The following CCDC83 variants were observed in gnomAD, a reference collection of about 807,000 sequenced individuals.
CCDC83 encodes coiled-coil domain-containing protein 83.
CCDC83 carries 54 observed loss-of-function variants against 50.1 expected under a neutral mutation model. The observed-to-expected ratio is 1.08, with a 90% CI of 0.87 to 1.35. The LOEUF (loss-of-function observed/expected upper bound fraction) is 1.35. Among genes scored for constraint, CCDC83 ranks in the 40% most tolerant of loss-of-function variants. CCDC83 has a pLI of 0.00. For missense variants in CCDC83, 518 were observed against 473.9 expected (o/e 1.09, Z -0.86); for synonymous variants, 161 against 153.3 (o/e 1.05, Z -0.37).
intron 6 of CCDC83, among the ~76,000 whole-genome samples, chr11:85,896,413 A>C (rs1049665622): frequency 2.1e-4 from 32 of 151,070 alleles, no homozygotes; most frequent in Non-Finnish European, 4.3e-4. Flanking sequence ...AAAAAAAAAA[A>C]AAAAAAAAAA....
chr11:85,883,266 A>G (rs1004284156), intron 4 of CCDC83, among the ~76,000 whole-genome samples: 2 of 151,240 alleles, frequency 1.3e-5, no homozygotes, highest in African/African-American at 2.4e-5. Flanking sequence ...ACCATTACTC[A>G]TAGTAGGGTT....
At chr11:85,909,989 C>G (rs549546963) in intron 7 of CCDC83, among the ~76,000 whole-genome samples, 1 of 152,230 alleles carries the variant, frequency 6.6e-6, no homozygotes, top group South Asian at 2.1e-4. Flanking sequence ...TTGTCCAGTT[C>G]CTCTCCTGCT....
intron 4 of CCDC83, 121 bp from the exon 5 acceptor site, chr11:85,886,079 T>C (rs780000054): frequency 1.5e-6 from 1 of 670,528 alleles, no homozygotes; most frequent in Non-Finnish European, 2.2e-6. Flanking sequence ...ATTTTAGATA[T>C]AAAATAGTAT....
chr11:85,870,398 AT>A (rs2093230284), intron 2 of CCDC83, among the ~76,000 whole-genome samples: 1 of 152,244 alleles, frequency 6.6e-6, no homozygotes, highest in Non-Finnish European at 1.5e-5. Flanking sequence ...TAATAGATTT[AT>A]AACTGCAGAA....
Position 85,875,841 on chromosome 11 carries a change from T to C in CCDC83, c.180+2546T>C, listed in dbSNP as rs193192806. ...TAGTTCTGTTTGGATTATCACCCCATTTATTATCTTTCTCTCAGTTTGCAT... is the reference window on the plus strand; with the variant it reads ...TAGTTCTGTTTGGATTATCACCCCACTTATTATCTTTCTCTCAGTTTGCAT... On this transcript the variant is annotated intron_variant, in intron 3 of 10. Coordinates refer to ENST00000342404, the MANE Select transcript of CCDC83 (RefSeq NM_001286159.2). Among the ~76,000 whole-genome samples, 790 of 152,302 alleles carry C rather than the reference T, an allele frequency of 5.2e-3. 7 individuals are homozygous for C. Among genetic ancestry groups the C allele is most frequent in the Middle Eastern group, 0.027 (8 of 294 alleles).
At chr11:85,900,484 C>CCATACCA (rs2093396003) in intron 7 of CCDC83, among the ~76,000 whole-genome samples, 2 of 152,272 alleles carry the variant, frequency 1.3e-5, no homozygotes, top group African/African-American at 4.8e-5. Context: ...ACACCACCTG[C>CCATACCA]CATACCACAT....
intron 1 of CCDC83, among the ~76,000 whole-genome samples, chr11:85,862,863 C>G (rs1218712826): frequency 6.6e-6 from 1 of 152,170 alleles, no homozygotes; most frequent in African/African-American, 2.4e-5. Flanking sequence ...AATTGGCTTA[C>G]TAATTTTCTT....
intron 1 of CCDC83, among the ~76,000 whole-genome samples, chr11:85,862,041 C>T (rs950852203): frequency 6.9e-6 from 1 of 144,264 alleles, no homozygotes; most frequent in Non-Finnish European, 1.5e-5. Context: ...TTATTTTAAG[C>T]TTTCTAGATA....
intron 6 of CCDC83, among the ~76,000 whole-genome samples, chr11:85,896,722 A>T (rs1464157604): frequency 6.6e-6 from 1 of 151,592 alleles, no homozygotes; most frequent in Non-Finnish European, 1.5e-5. Flanking sequence ...TTTCAATCTT[A>T]TATGTTCTCT....
chr11:85,859,980 AC>A (rs1175178058), intron 1 of CCDC83, among the ~76,000 whole-genome samples: 1 of 151,872 alleles, frequency 6.6e-6, no homozygotes, highest in African/African-American at 2.4e-5. Context: ...AAAGCAAATA[AC>A]CCCATTTAAA....
chr11:85,889,445 T>C (rs928829090), intron 5 of CCDC83, among the ~76,000 whole-genome samples: 1 of 152,244 alleles, frequency 6.6e-6, no homozygotes, highest in African/African-American at 2.4e-5. Flanking sequence ...ATTTATATAT[T>C]GAATTACTTG....
At chr11:85,878,845 C>T (rs1036178538) in intron 3 of CCDC83, among the ~76,000 whole-genome samples, 8 of 152,044 alleles carry the variant, frequency 5.3e-5, no homozygotes, top group Non-Finnish European at 1.5e-5. Flanking sequence ...TTAGTGATGC[C>T]GCTATGCACT....
In CCDC83 at chr11:85,917,250, G is replaced by A. The variant is rs879548602; in HGVS notation, c.1080+1017G>A. On this transcript the variant is annotated intron_variant, in intron 10 of 10. Transcript: ENST00000342404. ...AGAAAGAAAAGAAAGAAAGAGGGAA[G>A]GAGGAAAGGAAGGAAGGAAGGAAGG... Among the ~76,000 whole-genome samples the A allele has an allele frequency of 9.6e-4, 132 of 137,618 alleles. 1 individual carries two copies. Among genetic ancestry groups the A allele is most frequent in the Middle Eastern group, 3.7e-3 (1 of 268 alleles). The allele number at this position is 137,618 out of a possible 152,430, so 90.3% of individuals were successfully genotyped here.
At chr11:85,905,395 T>C (rs142670345) in intron 7 of CCDC83, among the ~76,000 whole-genome samples, 1,598 of 148,446 alleles carry the variant, frequency 0.011, 29 homozygotes, top group African/African-American at 0.038. Flanking sequence ...TGAGCCGAGA[T>C]TGCGCCATTG....
At chr11:85,859,831 T>C (rs1024262584) in intron 1 of CCDC83, among the ~76,000 whole-genome samples, 2 of 152,016 alleles carry the variant, frequency 1.3e-5, no homozygotes, top group Non-Finnish European at 2.9e-5. Context: ...TGGGACTAAT[T>C]AAAGAGCTTC....
chr11:85,917,241 AAG>A (rs1426098245), intron 10 of CCDC83, among the ~76,000 whole-genome samples: 3 of 150,508 alleles, frequency 2.0e-5, no homozygotes, highest in African/African-American at 7.4e-5. Flanking sequence ...AAAAGAAAGA[AAG>A]AGGGAAGGAG....
chr11:85,911,085 C>T (rs1442502361), intron 7 of CCDC83, among the ~76,000 whole-genome samples, 196 bp from the exon 8 acceptor site: 3 of 150,792 alleles, frequency 2.0e-5, no homozygotes, highest in Admixed American at 6.7e-5. Context: ...GCAGGAGAAT[C>T]GCTTGAACCC....
chr11:85,883,696 T>C (rs7113656), intron 4 of CCDC83, among the ~76,000 whole-genome samples: 51,948 of 152,008 alleles, frequency 0.34, 9,830 homozygotes, highest in African/African-American at 0.49. Context: ...CTGGAAAACA[T>C]GAGAAAGAGA....
chr11:85,915,526 GA>G, intron 9 of CCDC83, 28 bp downstream of exon 9: 1 of 1,500,882 alleles, frequency 6.7e-7, no homozygotes, highest in Non-Finnish European at 9.1e-7. Context: ...TAATGATGAT[GA>G]TTTTTTTCAA....
Sources: allele counts gnomAD v4.1 joint callset (sites outside exome capture counted in the v4.1 genomes callset), GRCh38; gene constraint gnomAD v4.1.1; transcripts MANE v1.5; gene names NCBI Gene and HGNC (gene_info 2026-07-23, HGNC 2026-07-21).